The following CNTNAP2 variants were observed in gnomAD, a reference collection of about 807,000 sequenced individuals.
CNTNAP2 encodes contactin associated protein 2.
CNTNAP2 carries 98 observed loss-of-function variants against 155.2 expected under a neutral mutation model. The ratio of observed to expected loss-of-function variants is 0.63; its 90% CI spans 0.54 to 0.75. The LOEUF is 0.75. CNTNAP2 is among the 30% of genes least tolerant of loss of function. The probability of loss-of-function intolerance (pLI) is 0.00; values close to 1 mark genes in which losing one functional copy is unlikely to be tolerated. For missense variants in CNTNAP2, 1,727 were observed against 1,688.1 expected, an observed-to-expected ratio of 1.02 and a Z score of -0.40; for synonymous variants, 651 against 631.2, an observed-to-expected ratio of 1.03 and a Z score of -0.47.
rs1249918823 is a variant in CNTNAP2 at position 148,417,604 on chromosome 7, T to C, written c.*1988T>C. The C allele has an allele frequency of 6.6e-6, 1 of 152,254 alleles. No individual in the cohort carries two copies. The highest frequency in any genetic ancestry group is 1.9e-4 in the East Asian group (1 of 5,198). The allele number at this position is 152,254 out of a possible 1,614,324, so 9.4% of individuals were successfully genotyped here. On this transcript the variant is annotated 3_prime_UTR_variant, in exon 24 of 24. Coordinates refer to ENST00000361727, the MANE Select transcript of CNTNAP2 (RefSeq NM_014141.6). ...TGACATATTGAAAGCAAAGGCTGTTTTATTTAGCCAAGATGATTACCATTA... is the reference window on the plus strand; with the variant it reads ...TGACATATTGAAAGCAAAGGCTGTTCTATTTAGCCAAGATGATTACCATTA...
At chr7:147,307,475 T>G (rs1229292560) in intron 9 of CNTNAP2, among the ~76,000 whole-genome samples, 1 of 152,054 alleles carries the variant, frequency 6.6e-6, no homozygotes, top group Non-Finnish European at 1.5e-5. Flanking sequence ...TCCCAGCTAC[T>G]TGGGAGGCTG....
At chr7:146,496,143 C>T (rs1011939270) in intron 1 of CNTNAP2, among the ~76,000 whole-genome samples, 2 of 152,198 alleles carry the variant, frequency 1.3e-5, no homozygotes, top group East Asian at 1.9e-4. Flanking sequence ...GTAACCCATG[C>T]GACGTGAAGA....
intron 11 of CNTNAP2, among the ~76,000 whole-genome samples, chr7:147,496,197 T>C (rs745720362): frequency 1.3e-5 from 2 of 152,048 alleles, no homozygotes; most frequent in African/African-American, 2.4e-5. Flanking sequence ...AATAAATGTA[T>C]GTACTTGAAT....
chr7:148,001,512 C>T (rs1801896889), intron 15 of CNTNAP2, among the ~76,000 whole-genome samples: 1 of 152,150 alleles, frequency 6.6e-6, no homozygotes, highest in African/African-American at 2.4e-5. Context: ...TATAGGACGA[C>T]TTGGTGGTTA....
At chr7:147,736,064 A>G (rs111416297) in intron 13 of CNTNAP2, among the ~76,000 whole-genome samples, 10,890 of 145,108 alleles carry the variant, frequency 0.075, 752 homozygotes, top group South Asian at 0.099. Flanking sequence ...TCCTGTCATT[A>G]TGATATTAGC....
In CNTNAP2 at chr7:146,336,935, C is replaced by A. The variant is rs138217018; in HGVS notation, c.97+219962C>A. On this transcript the variant is annotated intron_variant, in intron 1 of 23. Transcript: ENST00000361727. ...AGTGGTGGTCATGGGTTAACCATGGCTGTAGTGCAGGGAGAGGATGGGTCT... is the reference window on the plus strand; with the variant it reads ...AGTGGTGGTCATGGGTTAACCATGGATGTAGTGCAGGGAGAGGATGGGTCT... Among the ~76,000 whole-genome samples the A allele has an allele frequency of 2.2e-3, 331 of 152,198 alleles. 3 individuals carry two copies. The highest frequency in any genetic ancestry group is 3.8e-3 in the Non-Finnish European group (257 of 68,012).
At chr7:147,362,300 T>G (rs1358615043) in intron 9 of CNTNAP2, among the ~76,000 whole-genome samples, 1 of 152,194 alleles carries the variant, frequency 6.6e-6, no homozygotes, top group South Asian at 2.1e-4. Context: ...ACCAGCTAAT[T>G]TTTCTCTTAC....
intron 10 of CNTNAP2, among the ~76,000 whole-genome samples, chr7:147,436,075 G>T (rs1230176576): frequency 6.6e-6 from 1 of 151,998 alleles, no homozygotes; most frequent in Non-Finnish European, 1.5e-5. Context: ...GTAGTCATGG[G>T]GCCCTCTCCA....
At chr7:148,397,367 C>A (rs1007015503) in intron 22 of CNTNAP2, among the ~76,000 whole-genome samples, 1 of 152,352 alleles carries the variant, frequency 6.6e-6, no homozygotes, top group African/African-American at 2.4e-5. Flanking sequence ...TATGCAGAGA[C>A]TAGCATTATG....
intron 1 of CNTNAP2, among the ~76,000 whole-genome samples, chr7:146,752,015 C>A (rs748771849): frequency 1.3e-5 from 2 of 152,096 alleles, no homozygotes; most frequent in Non-Finnish European, 2.9e-5. Context: ...TTTCTTTATG[C>A]AGTCTATCGT....
intron 9 of CNTNAP2, among the ~76,000 whole-genome samples, chr7:147,326,358 C>T (rs1045489406): frequency 1.3e-5 from 2 of 152,180 alleles, no homozygotes; most frequent in African/African-American, 4.8e-5. Flanking sequence ...TATGTTGCAG[C>T]ATATGTCAGA....
intron 10 of CNTNAP2, among the ~76,000 whole-genome samples, chr7:147,455,487 C>T (rs1797904129): frequency 6.6e-6 from 1 of 152,084 alleles, no homozygotes; most frequent in Non-Finnish European, 1.5e-5. Flanking sequence ...TTTCCATTCT[C>T]TAAGATGTAC....
intron 10 of CNTNAP2, among the ~76,000 whole-genome samples, chr7:147,471,557 G>A (rs1418024829): frequency 6.6e-6 from 1 of 152,172 alleles, no homozygotes; most frequent in Admixed American, 6.5e-5. Context: ...TCGTGTCTAC[G>A]ACTTTCCTTG....
chr7:146,943,579 C>A (rs1563014076), intron 3 of CNTNAP2, among the ~76,000 whole-genome samples: 1 of 152,146 alleles, frequency 6.6e-6, no homozygotes, highest in African/African-American at 2.4e-5. Flanking sequence ...TAAGTTACAT[C>A]ATCTGTTTAC....
rs117211951 is a variant in CNTNAP2 at position 148,284,164 on chromosome 7, G to A, written c.3475+17038G>A. 1.8e-3 allele frequency among the ~76,000 whole-genome samples: 268 copies of A among 152,296 alleles called. 1 individual carries two copies. Among genetic ancestry groups the A allele is most frequent in the Middle Eastern group, 0.01 (3 of 294 alleles). On this transcript the variant is annotated intron_variant, in intron 21 of 23. Coordinates refer to ENST00000361727, the MANE Select transcript of CNTNAP2 (RefSeq NM_014141.6). Reference sequence around the variant, plus strand: ...TTATCACACATGATGTTCATGGAGCGTTACAGTTTGGCTGTGTCCCCACCC... The same window carrying A: ...TTATCACACATGATGTTCATGGAGCATTACAGTTTGGCTGTGTCCCCACCC...
intron 15 of CNTNAP2, among the ~76,000 whole-genome samples, chr7:147,981,823 T>G (rs1237467269): frequency 3.7e-5 from 5 of 135,434 alleles, no homozygotes; most frequent in African/African-American, 1.5e-4. Context: ...GTGTGGTTTT[T>G]TTTTTCTTTC....
intron 15 of CNTNAP2, among the ~76,000 whole-genome samples, chr7:148,012,454 C>A (rs1802097712): frequency 6.6e-6 from 1 of 152,204 alleles, no homozygotes; most frequent in South Asian, 2.1e-4. Flanking sequence ...TTCAGTTATG[C>A]AACAGGCATA....
intron 13 of CNTNAP2, among the ~76,000 whole-genome samples, chr7:147,727,746 G>GAT (rs1796667425): frequency 1.1e-4 from 4 of 35,676 alleles, no homozygotes; most frequent in African/African-American, 5.6e-4. Context: ...TCCAAAGCCT[G>GAT]CTTTTTTTTT....
At chr7:146,416,698 G>A (rs956804222) in intron 1 of CNTNAP2, among the ~76,000 whole-genome samples, 2 of 152,150 alleles carry the variant, frequency 1.3e-5, no homozygotes, top group East Asian at 3.9e-4. Flanking sequence ...TTCCTCTGGT[G>A]GCTAATTGTG....
Sources: gnomAD v4.1 joint callset for allele counts (sites outside exome capture counted in the v4.1 genomes callset) on GRCh38, gnomAD v4.1.1 for gene constraint, MANE v1.5 for transcripts, NCBI Gene and HGNC (gene_info 2026-07-23, HGNC 2026-07-21) for gene names.